Variants in RBMS3 observed in about 807,000 individuals in gnomAD.
RBMS3 encodes the protein RNA binding motif single stranded interacting protein 3.
Under a neutral mutation model 66.8 loss-of-function variants are expected in RBMS3, and 27 were observed. The ratio of observed to expected loss-of-function variants is 0.40; its 90% CI spans 0.30 to 0.56. The LOEUF (loss-of-function observed/expected upper bound fraction) is 0.56. RBMS3 is among the 20% of genes least tolerant of loss of function. RBMS3 has a pLI of 0.40. For missense variants in RBMS3, 513 were observed against 549.5 expected, an observed-to-expected ratio of 0.93 and a Z score of 0.66; for synonymous variants, 188 against 183.0, an observed-to-expected ratio of 1.03 and a Z score of -0.22.
At chr3:29,474,644 C>T (rs1023062437) in intron 2 of RBMS3, among the ~76,000 whole-genome samples, 2 of 152,194 alleles carry the variant, frequency 1.3e-5, no homozygotes, top group Non-Finnish European at 2.9e-5. Context: ...TTTCAAGTAA[C>T]TCTCAGAAAT....
chr3:29,363,944 A>G lies in RBMS3; in HGVS notation c.76-70799A>G, dbSNP rs573364982. Among the ~76,000 whole-genome samples the G allele has an allele frequency of 5.1e-4, 77 of 152,176 alleles. 1 individual carries two copies. Among genetic ancestry groups the G allele is most frequent in the Non-Finnish European group, 8.4e-4 (57 of 68,032 alleles). On this transcript the variant is annotated intron_variant, in intron 1 of 14. Coordinates refer to ENST00000383767, the MANE Select transcript of RBMS3 (RefSeq NM_001003793.3). ...GTGGCAAAGATGAGCAGAAACAGTT[A>G]CTTTCATATACTATTAAGTATAACT...
chr3:29,959,107 G>A (rs955414187), intron 12 of RBMS3, among the ~76,000 whole-genome samples: 8 of 152,184 alleles, frequency 5.3e-5, no homozygotes, highest in African/African-American at 1.9e-4. Flanking sequence ...TTTTGAACAA[G>A]ATGAGCATTT....
At chr3:29,918,828 CTTTTT>C in intron 10 of RBMS3, among the ~76,000 whole-genome samples, 1 of 151,818 alleles carries the variant, frequency 6.6e-6, no homozygotes, top group Non-Finnish European at 1.5e-5. Context: ...TAAGATGAGA[CTTTTT>C]TTCAAAACCC....
rs149915813 is a variant in RBMS3, at chr3:29,598,892, T to A, written c.399+11687T>A. 2.8e-4 allele frequency among the ~76,000 whole-genome samples: 43 copies of A among 152,052 alleles called. No individual in the cohort carries two copies. The East Asian group carries it at 7.5e-3, about 27-fold the overall frequency. On this transcript the variant is annotated intron_variant, in intron 4 of 14. Coordinates refer to ENST00000383767, the MANE Select transcript of RBMS3 (RefSeq NM_001003793.3). ...GGAGGAAGCCAGCTTCAGTGCAAAT[T>A]CAGTAGGGCAAAATGAAGAAACATT...
chr3:29,360,291 C>CATTTCGTT (rs1175960509), intron 1 of RBMS3, among the ~76,000 whole-genome samples: 2 of 151,930 alleles, frequency 1.3e-5, no homozygotes, highest in Non-Finnish European at 2.9e-5. Context: ...TTTCTGCCTT[C>CATTTCGTT]ATTTCGTTAT....
intron 6 of RBMS3, among the ~76,000 whole-genome samples, chr3:29,862,144 G>A (rs1211665609): frequency 1.3e-5 from 2 of 152,150 alleles, no homozygotes; most frequent in African/African-American, 4.8e-5. Context: ...CAGTTATGGA[G>A]CCAGTCATAA....
At chr3:29,345,895 G>A (rs2036542966) in intron 1 of RBMS3, among the ~76,000 whole-genome samples, 1 of 152,220 alleles carries the variant, frequency 6.6e-6, no homozygotes, top group African/African-American at 2.4e-5. Flanking sequence ...CAAATGGCCA[G>A]AGGAGCCAAT....
At chr3:29,910,557 T>C (rs1399818853) in intron 10 of RBMS3, among the ~76,000 whole-genome samples, 2 of 152,044 alleles carry the variant, frequency 1.3e-5, no homozygotes, top group Middle Eastern at 3.2e-3. Context: ...ATTGGGATAC[T>C]TTATTTTACT....
At chr3:29,922,216 G>A (rs1181303468) in intron 10 of RBMS3, among the ~76,000 whole-genome samples, 3 of 152,186 alleles carry the variant, frequency 2.0e-5, no homozygotes, top group East Asian at 3.9e-4. Context: ...GGCCGGGCAC[G>A]GTGGCTCACG....
chr3:29,353,455 A>G (rs1168217727), intron 1 of RBMS3, among the ~76,000 whole-genome samples: 4 of 152,048 alleles, frequency 2.6e-5, no homozygotes, highest in Admixed American at 6.6e-5. Flanking sequence ...TTAAATAGCT[A>G]TAAGCTACTT....
At chr3:29,777,220 C>CCG (rs1274767292) in intron 6 of RBMS3, among the ~76,000 whole-genome samples, 1 of 151,808 alleles carries the variant, frequency 6.6e-6, no homozygotes, top group Non-Finnish European at 1.5e-5. Context: ...GCATTAAATG[C>CCG]TTTTCTCCTA....
intron 1 of RBMS3, among the ~76,000 whole-genome samples, chr3:29,401,013 A>AT (rs2039786214): frequency 6.6e-6 from 1 of 152,120 alleles, no homozygotes; most frequent in South Asian, 2.1e-4. Context: ...TATAATCAAT[A>AT]TTGCTGTGAA....
intron 1 of RBMS3, among the ~76,000 whole-genome samples, chr3:29,358,273 G>A (rs1436502180): frequency 6.6e-6 from 1 of 152,168 alleles, no homozygotes. Context: ...TGGCTAGCCA[G>A]TTTTCCCAGC....
chr3:29,790,353 T>C (rs1186427899), intron 6 of RBMS3, among the ~76,000 whole-genome samples: 1 of 152,194 alleles, frequency 6.6e-6, no homozygotes, highest in East Asian at 1.9e-4. Flanking sequence ...TTTTGTAAAG[T>C]ATAGTAGGCC....
Position 29,762,938 on chromosome 3 carries a change from G to T in RBMS3, c.586G>T (p.Val196Leu). 1.2e-6 allele frequency: 2 copies of T among 1,610,392 alleles called. No individual in the cohort carries two copies. Among genetic ancestry groups the T allele is most frequent in the Non-Finnish European group, 1.7e-6 (2 of 1,177,780 alleles). The change falls in exon 6 of 15, where the codon GTA becomes TTA. Residue 196 changes from valine (V) to leucine (L), a missense_variant. Val to Leu is a conservative substitution (Grantham distance 32, BLOSUM62 1). Transcript: ENST00000383767. The stretch of plus-strand genomic sequence containing the variant: ...GGAGTCTACTGAAAAATGTGAAGTG[G>T]TAATTCAACATTTTAATGGAAAATA... ...RMESTEKCEV[V>L]IQHFNGKYLK... is the part of the protein sequence containing the mutation.
At chr3:29,514,672 T>TATATATGATAGGCATAC in intron 3 of RBMS3, among the ~76,000 whole-genome samples, 1 of 144,886 alleles carries the variant, frequency 6.9e-6, no homozygotes, top group African/African-American at 2.6e-5. Context: ...TATATATATA[T>TATATATGATAGGCATAC]ATATATATGA....
At chr3:29,303,757 T>C (rs2033829315) in intron 1 of RBMS3, among the ~76,000 whole-genome samples, 1 of 152,018 alleles carries the variant, frequency 6.6e-6, no homozygotes, top group South Asian at 2.1e-4. Context: ...AGAAACTCTT[T>C]TCATAGCATA....
At chr3:29,406,525 C>G (rs2040021323) in intron 1 of RBMS3, among the ~76,000 whole-genome samples, 1 of 152,126 alleles carries the variant, frequency 6.6e-6, no homozygotes, top group African/African-American at 2.4e-5. Context: ...CATCACAACT[C>G]CCCTGAATAA....
At position 29,998,891 on chromosome 3, in the gene RBMS3, A is replaced by G. The variant is rs551940570; in HGVS notation, c.1308-4965A>G. On this transcript the variant is annotated intron_variant, in intron 14 of 14. Transcript: ENST00000383767. ...ACTTCATGTCTAAAACACCAAAAGC[A>G]ATGGCAACAAAAGCCAAAATTGACA... Among the ~76,000 whole-genome samples, 648 of 152,298 alleles carry G rather than the reference A, an allele frequency of 4.3e-3. 4 individuals are homozygous for G. The highest frequency in any genetic ancestry group is 0.015 in the African/African-American group (610 of 41,578).
Sources: allele counts gnomAD v4.1 joint callset (sites outside exome capture counted in the v4.1 genomes callset), GRCh38; gene constraint gnomAD v4.1.1; transcripts MANE v1.5; gene names NCBI Gene and HGNC (gene_info 2026-07-23, HGNC 2026-07-21).